Variants in PCSK2 observed in about 807,000 individuals in gnomAD.
PCSK2 encodes neuroendocrine convertase 2.
PCSK2 carries 14 observed loss-of-function variants against 69.7 expected under a neutral mutation model. The ratio of observed to expected loss-of-function variants is 0.20; its 90% CI spans 0.13 to 0.31. PCSK2 has a LOEUF of 0.31. Ranked by LOEUF, PCSK2 falls within the 10% of genes least tolerant of loss-of-function variation. The probability of loss-of-function intolerance (pLI) is 1.00; values close to 1 mark genes in which losing one functional copy is unlikely to be tolerated. For synonymous variants in PCSK2, 307 were observed against 320.7 expected, an observed-to-expected ratio of 0.96 and a Z score of 0.46; for missense variants, 544 against 842.5, an observed-to-expected ratio of 0.65 and a Z score of 4.39.
At chr20:17,380,027 C>A (rs1251678667) in intron 5 of PCSK2, among the ~76,000 whole-genome samples, 1 of 152,192 alleles carries the variant, frequency 6.6e-6, no homozygotes, top group Non-Finnish European at 1.5e-5. Context: ...CCACAAACAA[C>A]TGAATGAACT....
At chr20:17,432,264 C>G (rs1475117023) in intron 7 of PCSK2, among the ~76,000 whole-genome samples, 1 of 152,100 alleles carries the variant, frequency 6.6e-6, no homozygotes, top group African/African-American at 2.4e-5. Flanking sequence ...CTTGGTGTGT[C>G]CCAAAGGTTA....
At chr20:17,293,045 G>A (rs1824449082) in intron 2 of PCSK2, among the ~76,000 whole-genome samples, 1 of 152,050 alleles carries the variant, frequency 6.6e-6, no homozygotes, top group Admixed American at 6.6e-5. Context: ...GGCTGGTCTT[G>A]AACTCCTGGC....
chr20:17,367,876 G>A (rs2030642878), intron 4 of PCSK2, among the ~76,000 whole-genome samples: 1 of 152,132 alleles, frequency 6.6e-6, no homozygotes, highest in Non-Finnish European at 1.5e-5. Context: ...ATATTCTGAT[G>A]CCTTTCCCTC....
chr20:17,336,367 C>G (rs935938883), intron 2 of PCSK2, among the ~76,000 whole-genome samples: 8 of 152,268 alleles, frequency 5.3e-5, no homozygotes, highest in African/African-American at 1.7e-4. Flanking sequence ...CCATTGATTT[C>G]TTAGAGGAAT....
chr20:17,435,764 A>G (rs182465211), intron 7 of PCSK2, among the ~76,000 whole-genome samples: 155 of 152,308 alleles, frequency 1.0e-3, no homozygotes, highest in African/African-American at 3.2e-3. Context: ...TGACCCATCC[A>G]GATGACAAAG....
intron 2 of PCSK2, among the ~76,000 whole-genome samples, chr20:17,332,958 A>G (rs1990243199): frequency 6.6e-6 from 1 of 152,218 alleles, no homozygotes; most frequent in South Asian, 2.1e-4. Context: ...GTCACCCTAA[A>G]TTGGATCCTG....
intron 8 of PCSK2, among the ~76,000 whole-genome samples, chr20:17,451,175 G>A (rs1239823316): frequency 6.6e-6 from 1 of 152,200 alleles, no homozygotes; most frequent in East Asian, 1.9e-4. Context: ...CAAGTCTCAT[G>A]GTTTAAAACA....
At chr20:17,294,331 C>T (rs1360521135) in intron 2 of PCSK2, among the ~76,000 whole-genome samples, 1 of 151,902 alleles carries the variant, frequency 6.6e-6, no homozygotes, top group Non-Finnish European at 1.5e-5. Context: ...TGGTCTCGAT[C>T]TCCTGACCTC....
At chr20:17,336,323 G>A (rs565802430) in intron 2 of PCSK2, among the ~76,000 whole-genome samples, 3 of 152,158 alleles carry the variant, frequency 2.0e-5, no homozygotes, top group African/African-American at 4.8e-5. Flanking sequence ...TAAAAACCTA[G>A]TCACTCAAAC....
chr20:17,416,039 G>A (rs145296654), intron 6 of PCSK2, among the ~76,000 whole-genome samples: 61 of 152,296 alleles, frequency 4.0e-4, no homozygotes, highest in African/African-American at 1.4e-3. Flanking sequence ...ATGGATTAAA[G>A]ACTTAAATGT....
chr20:17,391,906 G>GAGGAAGGAAGGAAGGAAGGAGGGAAGGA (rs2031385267), intron 5 of PCSK2, among the ~76,000 whole-genome samples: 1 of 99,966 alleles, frequency 1.0e-5, no homozygotes, highest in Non-Finnish European at 2.0e-5. Context: ...GAAAGAGAGA[G>GAGGAAGGAAGGAAGGAAGGAGGGAAGGA]AGGAAGGAAG....
At chr20:17,275,084 C>T (rs1177186853) in intron 2 of PCSK2, among the ~76,000 whole-genome samples, 2 of 141,544 alleles carry the variant, frequency 1.4e-5, no homozygotes, top group Non-Finnish European at 3.1e-5. Flanking sequence ...ATTATTTATA[C>T]ATATATATAT....
chr20:17,243,481 A>G (rs530490292), intron 1 of PCSK2, among the ~76,000 whole-genome samples: 2 of 152,288 alleles, frequency 1.3e-5, no homozygotes, highest in South Asian at 2.1e-4. Flanking sequence ...ATTACAGGCC[A>G]CCATACCTGG....
At chr20:17,356,849 A>C (rs1304940036) in intron 2 of PCSK2, among the ~76,000 whole-genome samples, 1 of 152,082 alleles carries the variant, frequency 6.6e-6, no homozygotes, top group Non-Finnish European at 1.5e-5. Flanking sequence ...TCACCTTCCC[A>C]AGATTCAAAT....
At chr20:17,281,864 A>G (rs1392327098) in intron 2 of PCSK2, among the ~76,000 whole-genome samples, 2 of 152,186 alleles carry the variant, frequency 1.3e-5, no homozygotes, top group Non-Finnish European at 2.9e-5. Flanking sequence ...CCACCTATGG[A>G]TAAAGATTCT....
chr20:17,399,048 G>GA (rs901597542), intron 5 of PCSK2, among the ~76,000 whole-genome samples: 6 of 151,886 alleles, frequency 4.0e-5, no homozygotes, highest in South Asian at 2.1e-4. Flanking sequence ...TTTGTTCAAT[G>GA]AAAAAAAATA....
At chr20:17,370,772 C>T (rs1227868289) in intron 5 of PCSK2, among the ~76,000 whole-genome samples, 4 of 152,186 alleles carry the variant, frequency 2.6e-5, no homozygotes, top group South Asian at 4.1e-4. Context: ...TGGCTGACTC[C>T]GCTAGTGCCT....
At chr20:17,348,934 G>A (rs972766902) in intron 2 of PCSK2, among the ~76,000 whole-genome samples, 3 of 152,166 alleles carry the variant, frequency 2.0e-5, no homozygotes, top group Non-Finnish European at 4.4e-5. Context: ...GCCCACAACA[G>A]GCATGACCCG....
chr20:17,300,530 C>T (rs1397910157), intron 2 of PCSK2, among the ~76,000 whole-genome samples: 1 of 152,184 alleles, frequency 6.6e-6, no homozygotes, highest in Non-Finnish European at 1.5e-5. Context: ...GTTTTTGCAT[C>T]CCTTTTAGTT....
Sources: gnomAD v4.1 joint callset for allele counts (sites outside exome capture counted in the v4.1 genomes callset) on GRCh38, gnomAD v4.1.1 for gene constraint, MANE v1.5 for transcripts, NCBI Gene and HGNC (gene_info 2026-07-23, HGNC 2026-07-21) for gene names.